The following COG5 variants were observed in gnomAD, a reference collection of about 807,000 sequenced individuals.
The protein encoded by COG5 is conserved oligomeric Golgi complex subunit 5.
A neutral mutation model predicts 110.4 loss-of-function variants in COG5; 86 were observed. The observed-to-expected ratio is 0.78, with a 90% CI of 0.65 to 0.93. COG5 has a LOEUF of 0.93. Among genes scored for constraint, COG5 ranks in the 40% least tolerant of loss-of-function variants. COG5 has a pLI of 0.00. For synonymous variants in COG5, 360 were observed against 334.6 expected, an observed-to-expected ratio of 1.08 and a Z score of -0.83; for missense variants, 1,077 against 987.0, an observed-to-expected ratio of 1.09 and a Z score of -1.22.
At chr7:107,345,056 G>C (rs1417851274) in intron 10 of COG5, among the ~76,000 whole-genome samples, 2 of 152,022 alleles carry the variant, frequency 1.3e-5, no homozygotes, top group African/African-American at 4.8e-5. Context: ...GTCACTGTAG[G>C]GTTATTAATT....
chr7:107,211,523 G>C (rs746433801), intron 19 of COG5, among the ~76,000 whole-genome samples: 62 of 152,248 alleles, frequency 4.1e-4, no homozygotes, highest in Non-Finnish European at 7.5e-4. Flanking sequence ...CTAATTACAA[G>C]GCTAAAAGCA....
intron 17 of COG5, 61 bp from the exon 18 acceptor site, chr7:107,236,748 G>A (rs770239229): frequency 1.1e-4 from 119 of 1,061,386 alleles, no homozygotes; most frequent in Non-Finnish European, 1.6e-4. Context: ...CTTTGATTTT[G>A]TACCCCTCTC....
At chr7:107,208,070 A>G in intron 21 of COG5, 1 of 985,442 alleles carries the variant, frequency 1.0e-6, no homozygotes, top group Non-Finnish European at 1.2e-6. Context: ...AGTATGCAAG[A>G]ACAAAATTGT....
At chr7:107,366,902 G>A (rs987851093) in intron 8 of COG5, among the ~76,000 whole-genome samples, 2 of 151,982 alleles carry the variant, frequency 1.3e-5, no homozygotes, top group South Asian at 2.1e-4. Context: ...TATATAAAAG[G>A]TGCATTCTGA....
At chr7:107,412,376 T>C (rs1792363934) in intron 7 of COG5, 126 bp downstream of exon 7, 8 of 835,440 alleles carry the variant, frequency 9.6e-6, no homozygotes, top group Non-Finnish European at 1.3e-5. Flanking sequence ...TTGATTTAAA[T>C]TGTAGACATA....
chr7:107,428,863 T>C (rs948038408), intron 6 of COG5, among the ~76,000 whole-genome samples: 4 of 152,184 alleles, frequency 2.6e-5, no homozygotes, highest in South Asian at 2.1e-4. Flanking sequence ...CAAGTTCTCA[T>C]ATTTTCTTAG....
At position 107,295,224 on chromosome 7, in the gene COG5, A is replaced by G. The variant is rs190998328; in HGVS notation, c.1313+2918T>C. 5.5e-3 allele frequency among the ~76,000 whole-genome samples: 811 copies of G among 148,544 alleles called. 10 individuals are homozygous for G. Among genetic ancestry groups the G allele is most frequent in the African/African-American group, 0.02 (790 of 40,176 alleles). Reference sequence around the variant, plus strand: ...AGTGCTTGGATTATAGGCGTGAGCCACCACACCGTACCCAGTCTTAATTTT... The same window carrying G: ...AGTGCTTGGATTATAGGCGTGAGCCGCCACACCGTACCCAGTCTTAATTTT... On this transcript the variant is annotated intron_variant, in intron 12 of 21. Transcript: ENST00000297135.
intron 14 of COG5, among the ~76,000 whole-genome samples, chr7:107,269,785 A>G (rs1804096445): frequency 6.6e-6 from 1 of 152,166 alleles, no homozygotes; most frequent in African/African-American, 2.4e-5. Context: ...CTCCTTCTGC[A>G]TTCAACCATT....
In COG5 at chr7:107,211,258, G is replaced by A. The variant is rs764916980; in HGVS notation, c.2169-33C>T. 5.6e-6 allele frequency: 9 copies of A among 1,607,116 alleles called. No individual in the cohort carries two copies. In the African/African-American group the frequency reaches 1.1e-4, roughly 19 times the overall value. On this transcript the variant is annotated intron_variant, in intron 19 of 21. Coordinates refer to ENST00000297135, the MANE Select transcript of COG5 (RefSeq NM_006348.5). ...GGAAAAACAGAAGTTATTTCACACT[G>A]TTCAATACTGAAATAGGTGATTTGG...
At chr7:107,448,146 ACT>A (rs1456596414) in intron 6 of COG5, among the ~76,000 whole-genome samples, 1 of 151,858 alleles carries the variant, frequency 6.6e-6, no homozygotes, top group African/African-American at 2.4e-5. Context: ...ACAGAGTAAG[ACT>A]CTGTCTCAAA....
At chr7:107,510,865 T>C (rs1436728785) in intron 6 of COG5, among the ~76,000 whole-genome samples, 2 of 152,110 alleles carry the variant, frequency 1.3e-5, no homozygotes, top group African/African-American at 2.4e-5. Flanking sequence ...AGACACAACA[T>C]ACCAGTATCT....
At chr7:107,421,412 C>G (rs1258374976) in intron 6 of COG5, among the ~76,000 whole-genome samples, 1 of 152,186 alleles carries the variant, frequency 6.6e-6, no homozygotes, top group Non-Finnish European at 1.5e-5. Context: ...TTCTGCTCAA[C>G]TACACATGGA....
intron 19 of COG5, among the ~76,000 whole-genome samples, chr7:107,221,762 C>T (rs1178748254): frequency 1.4e-5 from 2 of 138,446 alleles, no homozygotes; most frequent in Non-Finnish European, 3.1e-5. Context: ...GAGACTCCGT[C>T]TCAAAAAAAA....
At chr7:107,525,201 C>G (rs1228808506) in intron 6 of COG5, among the ~76,000 whole-genome samples, 2 of 151,806 alleles carry the variant, frequency 1.3e-5, no homozygotes, top group African/African-American at 4.8e-5. Context: ...GCTGGGATTA[C>G]AGGCGTGAGC....
intron 7 of COG5, among the ~76,000 whole-genome samples, chr7:107,385,407 G>A (rs1281980415): frequency 1.3e-5 from 2 of 152,076 alleles, no homozygotes; most frequent in Non-Finnish European, 2.9e-5. Flanking sequence ...ACAGCCCCAG[G>A]AAACCAATAC....
In COG5 at chr7:107,525,535, T is replaced by C. The variant is rs956703083; in HGVS notation, c.538+1702A>G. Among the ~76,000 whole-genome samples, 7 of 149,786 alleles carry C rather than the reference T, an allele frequency of 4.7e-5. No individual in the cohort carries two copies. In the East Asian group the frequency reaches 9.9e-4, roughly 21 times the overall value. ...CTGTGAAAACAACACACAAGCATTA[T>C]TCATTGTTTAAAGTTAACTTTTTTT... On this transcript the variant is annotated intron_variant, in intron 6 of 21. Coordinates refer to ENST00000297135, the MANE Select transcript of COG5 (RefSeq NM_006348.5).
At chr7:107,503,526 A>T (rs947452909) in intron 6 of COG5, among the ~76,000 whole-genome samples, 1 of 152,222 alleles carries the variant, frequency 6.6e-6, no homozygotes, top group Admixed American at 6.5e-5. Flanking sequence ...TTTTTTTCCC[A>T]TTCGGTGAAA....
chr7:107,359,313 G>A (rs1342012467), intron 10 of COG5, among the ~76,000 whole-genome samples: 1 of 152,192 alleles, frequency 6.6e-6, no homozygotes, highest in Non-Finnish European at 1.5e-5. Flanking sequence ...GCAGACTCAG[G>A]GCAGCACACC....
chr7:107,244,201 A>G (rs554715158), intron 17 of COG5, among the ~76,000 whole-genome samples: 1 of 152,178 alleles, frequency 6.6e-6, no homozygotes, highest in African/African-American at 2.4e-5. Flanking sequence ...GCAGTGAGCC[A>G]AGATCACGCC....
Sources: gnomAD v4.1 joint callset for allele counts (sites outside exome capture counted in the v4.1 genomes callset) on GRCh38, gnomAD v4.1.1 for gene constraint, MANE v1.5 for transcripts, NCBI Gene and HGNC (gene_info 2026-07-23, HGNC 2026-07-21) for gene names.